STAB2: variants seen among roughly 807,000 people sequenced by gnomAD.
STAB2 encodes the protein stabilin 2.
Under a neutral mutation model 338.1 loss-of-function variants are expected in STAB2, and 288 were observed. That is an observed-to-expected ratio of 0.85 (90% CI 0.77 to 0.94). STAB2 has a LOEUF of 0.94. STAB2 is among the 40% of genes least tolerant of loss of function. The pLI, the probability that STAB2 is intolerant of heterozygous loss-of-function variation, is 0.00. For synonymous variants in STAB2, 1,202 were observed against 1,193.3 expected (o/e 1.01, Z -0.15); for missense variants, 3,141 against 3,210.1 (o/e 0.98, Z 0.52).
Position 103,708,492 on chromosome 12 carries a change from CCTGTGA to C in STAB2, c.4251_4256del (p.Cys1418_Asp1419del). 6.8e-6 allele frequency: 11 copies of C among 1,614,050 alleles called. No individual in the cohort carries two copies. The highest frequency in any genetic ancestry group is 9.3e-6 in the Non-Finnish European group (11 of 1,179,964). ...AACCAAGGACCCTTGGGAGATGGCTCCTGTGACTGTGATGTTGGCTGGCGAGGAGTG... is the reference window on the plus strand; with the variant it reads ...AACCAAGGACCCTTGGGAGATGGCTCCTGTGATGTTGGCTGGCGAGGAGTG... On this transcript the variant is annotated inframe_deletion, in exon 39 of 69. Transcript: ENST00000388887.
At position 103,673,781 on chromosome 12, in the gene STAB2, C is replaced by T. The variant is rs754560600; in HGVS notation, c.2372-126C>T. 322 of 1,035,026 alleles carry T rather than the reference C, an allele frequency of 3.1e-4. 1 individual carries two copies. Among genetic ancestry groups the T allele is most frequent in the Non-Finnish European group, 4.1e-4 (296 of 724,560 alleles). The allele number at this position is 1,035,026 out of a possible 1,614,324, so 64.1% of individuals were successfully genotyped here. ...CCTAAGTCTTCTCCCGGCTCAGCCC[C>T]GATTCTGCTTTGACAAGAGTGAGTG... On this transcript the variant is annotated intron_variant, in intron 22 of 68. Transcript: ENST00000388887.
intron 28 of STAB2, among the ~76,000 whole-genome samples, chr12:103,689,103 A>C (rs771712131): frequency 2.0e-5 from 3 of 151,954 alleles, no homozygotes; most frequent in Non-Finnish European, 4.4e-5. Flanking sequence ...AAATTTATGT[A>C]AGGTTTTATT....
chr12:103,668,569 C>A, intron 19 of STAB2, 74 bp from the exon 20 acceptor site: 2 of 1,319,552 alleles, frequency 1.5e-6, no homozygotes, highest in Non-Finnish European at 2.1e-6. Flanking sequence ...TGGCAAGTGT[C>A]TGCAGAGGGT....
At chr12:103,747,298 A>AG (rs1181563483) in intron 58 of STAB2, among the ~76,000 whole-genome samples, 1 of 152,226 alleles carries the variant, frequency 6.6e-6, no homozygotes, top group Non-Finnish European at 1.5e-5. Flanking sequence ...AGCCATACAG[A>AG]GGCCCAAATG....
intron 33 of STAB2, among the ~76,000 whole-genome samples, chr12:103,696,642 G>A (rs75310915): frequency 0.011 from 1,687 of 152,258 alleles, 25 homozygotes; most frequent in African/African-American, 0.038. Flanking sequence ...TTTACCCCTA[G>A]ATGTTAGGAA....
chr12:103,754,597 T>G (rs1027261883), intron 61 of STAB2, among the ~76,000 whole-genome samples: 2 of 152,022 alleles, frequency 1.3e-5, no homozygotes, highest in Non-Finnish European at 2.9e-5. Flanking sequence ...GTGGTGATGA[T>G]GGGGAGGATG....
At position 103,594,404 on chromosome 12, in the gene STAB2, T is replaced by C. The variant is rs545321781; in HGVS notation, c.225T>C (p.Phe75=). The C allele has an allele frequency of 2.5e-6, 4 of 1,611,750 alleles. No homozygotes were observed. The South Asian group carries it at 3.3e-5, about 13-fold the overall frequency. Residue 75 remains phenylalanine (F), a synonymous_variant, in exon 3 of 69, where the codon TTT becomes TTC. Transcript: ENST00000388887. Reference sequence around the variant, plus strand: ...CTCTTTACCCTCCAAGGTACACCTTTGAGGTCAGAACATACTCTCTGTCTC... The same window carrying C: ...CTCTTTACCCTCCAAGGTACACCTTCGAGGTCAGAACATACTCTCTGTCTC... ...SVGVRDCRYT[F]EVRTYSLSLP... is the part of the protein sequence containing the mutation.
At chr12:103,603,596 C>G (rs574551395) in intron 3 of STAB2, among the ~76,000 whole-genome samples, 2 of 152,260 alleles carry the variant, frequency 1.3e-5, no homozygotes, top group African/African-American at 4.8e-5. Flanking sequence ...CCATGAATAC[C>G]ACACTGTCTT....
chr12:103,757,535 G>C (rs940774451), intron 63 of STAB2, among the ~76,000 whole-genome samples: 4 of 152,242 alleles, frequency 2.6e-5, no homozygotes, highest in Non-Finnish European at 5.9e-5. Flanking sequence ...GCAGGGCTTG[G>C]GGGGCACCCC....
chr12:103,641,058 G>A (rs964126584), intron 9 of STAB2, among the ~76,000 whole-genome samples: 4 of 152,106 alleles, frequency 2.6e-5, no homozygotes, highest in African/African-American at 4.8e-5. Context: ...TTCAATTCTC[G>A]CTACCATCAG....
intron 3 of STAB2, among the ~76,000 whole-genome samples, chr12:103,609,243 T>A (rs1255373073): frequency 2.0e-5 from 3 of 152,222 alleles, no homozygotes; most frequent in Non-Finnish European, 2.9e-5. Flanking sequence ...GGTAGCTTGA[T>A]GGGGATGGCA....
At chr12:103,630,048 T>C (rs772929159) in intron 5 of STAB2, among the ~76,000 whole-genome samples, 2 of 152,188 alleles carry the variant, frequency 1.3e-5, no homozygotes, top group African/African-American at 2.4e-5. Flanking sequence ...AACTGAGAAA[T>C]CTAAATTTTA....
chr12:103,592,936 G>T (rs1206800200), intron 2 of STAB2, among the ~76,000 whole-genome samples: 2 of 152,022 alleles, frequency 1.3e-5, no homozygotes, highest in African/African-American at 2.4e-5. Context: ...TCTGTGTCTA[G>T]CTTATCTCAC....
rs1957463791 is a variant in STAB2 at position 103,631,596 on chromosome 12, A to G, written c.488-2A>G. On this transcript the variant is annotated splice_acceptor_variant, in intron 5 of 68. Coordinates refer to ENST00000388887, the MANE Select transcript of STAB2 (RefSeq NM_017564.10). LOFTEE classifies it high-confidence loss of function. ...TAAAAATCCCCCACTTTCTGTCTCCAGTGTGCAACTGTGTGCATGGGGTGT... is the reference window on the plus strand; with the variant it reads ...TAAAAATCCCCCACTTTCTGTCTCCGGTGTGCAACTGTGTGCATGGGGTGT... 1 of 1,613,938 alleles carries G rather than the reference A, an allele frequency of 6.2e-7. No individual in the cohort carries two copies. The highest frequency in any genetic ancestry group is 8.5e-7 in the Non-Finnish European group (1 of 1,179,852).
intron 3 of STAB2, among the ~76,000 whole-genome samples, chr12:103,600,444 A>G (rs1197198619): frequency 6.6e-6 from 1 of 152,196 alleles, no homozygotes; most frequent in Non-Finnish European, 1.5e-5. Flanking sequence ...AGAGAAAGAG[A>G]GACAGAGGGC....
chr12:103,687,089 G>T (rs1300313210), intron 27 of STAB2, among the ~76,000 whole-genome samples: 5 of 152,104 alleles, frequency 3.3e-5, no homozygotes, highest in African/African-American at 9.7e-5. Context: ...TTGTATTCAT[G>T]TAAATTTGCA....
chr12:103,669,169 C>T lies in STAB2; in HGVS notation c.2173-372C>T, dbSNP rs142599689. The stretch of plus-strand genomic sequence containing the variant: ...GTACCCACCTGACTTCTGGCCCTAC[C>T]TGCCACCACTGGATGATAATACTTT... On this transcript the variant is annotated intron_variant, in intron 20 of 68. Coordinates refer to ENST00000388887, the MANE Select transcript of STAB2 (RefSeq NM_017564.10). The T allele has an allele frequency of 1.3e-3, 349 of 258,966 alleles. 3 individuals carry two copies. The highest frequency in any genetic ancestry group is 6.1e-3 in the Middle Eastern group (5 of 814). 16.0% of individuals were successfully genotyped at this position (258,966 alleles called of 1,614,324 possible).
chr12:103,598,026 C>A (rs962248805), intron 3 of STAB2, among the ~76,000 whole-genome samples: 1 of 152,064 alleles, frequency 6.6e-6, no homozygotes, highest in African/African-American at 2.4e-5. Flanking sequence ...ATTTTTCTTG[C>A]CATTCACTAC....
At chr12:103,730,301 A>G in intron 49 of STAB2, 45 bp downstream of exon 49, 1 of 1,594,242 alleles carries the variant, frequency 6.3e-7, no homozygotes, top group South Asian at 1.1e-5. Flanking sequence ...GTGACTCAAT[A>G]CATTATCATC....
Sources: allele counts gnomAD v4.1 joint callset (sites outside exome capture counted in the v4.1 genomes callset), GRCh38; gene constraint gnomAD v4.1.1; transcripts MANE v1.5; gene names NCBI Gene and HGNC (gene_info 2026-07-23, HGNC 2026-07-21).